The following TAFA4 variants were observed in gnomAD, a reference collection of about 807,000 sequenced individuals.
The protein encoded by TAFA4 is chemokine-like protein TAFA-4.
Under a neutral mutation model 21.1 loss-of-function variants are expected in TAFA4, and 20 were observed. The ratio of observed to expected loss-of-function variants is 0.95; its 90% CI spans 0.67 to 1.38. The LOEUF (loss-of-function observed/expected upper bound fraction) is 1.38. TAFA4 is among the 40% of genes most tolerant of loss of function. The pLI, the probability that TAFA4 is intolerant of heterozygous loss-of-function variation, is 0.00. For synonymous variants in TAFA4, 71 were observed against 67.4 expected, an observed-to-expected ratio of 1.05 and a Z score of -0.26; for missense variants, 211 against 180.9, an observed-to-expected ratio of 1.17 and a Z score of -0.95.
chr3:68,887,500 C>T (rs563853052), intron 1 of TAFA4, among the ~76,000 whole-genome samples: 1 of 152,284 alleles, frequency 6.6e-6, no homozygotes, highest in South Asian at 2.1e-4. Context: ...AGTACATGCT[C>T]TCTGTGGTGG....
chr3:68,872,302 C>A lies in TAFA4; in HGVS notation c.130+8428G>T, dbSNP rs139446531. On this transcript the variant is annotated intron_variant, in intron 3 of 5. Coordinates refer to ENST00000295569, the MANE Select transcript of TAFA4 (RefSeq NM_182522.5). Reference sequence around the variant, plus strand: ...ATTATGTTAACTGAAATAAGCCAGGCACAGAATAAATACTGCATGCTCTCA... The same window carrying A: ...ATTATGTTAACTGAAATAAGCCAGGAACAGAATAAATACTGCATGCTCTCA... 1.0e-3 allele frequency among the ~76,000 whole-genome samples: 157 copies of A among 152,126 alleles called. 1 individual carries two copies. The highest frequency in any genetic ancestry group is 3.5e-3 in the African/African-American group (144 of 41,506).
rs1050766071 is a variant in TAFA4 at position 68,838,425 on chromosome 3, G to A, written c.130+42305C>T. 3.3e-5 allele frequency among the ~76,000 whole-genome samples: 5 copies of A among 152,274 alleles called. No homozygotes were observed. In the East Asian group the frequency reaches 5.8e-4, roughly 18 times the overall value. On this transcript the variant is annotated intron_variant, in intron 3 of 5. Transcript: ENST00000295569. ...TGTTTTTGAAGCATCATTCTAGACA[G>A]AGCAAGGATCTAAGAAATGAAAAAT...
At chr3:68,870,708 G>A (rs1204490468) in intron 3 of TAFA4, among the ~76,000 whole-genome samples, 1 of 151,990 alleles carries the variant, frequency 6.6e-6, no homozygotes, top group Non-Finnish European at 1.5e-5. Flanking sequence ...GCATGCATTG[G>A]GTATTTGTCC....
intron 4 of TAFA4, among the ~76,000 whole-genome samples, chr3:68,745,429 C>T (rs949054580): frequency 2.0e-5 from 3 of 152,068 alleles, no homozygotes; most frequent in South Asian, 2.1e-4. Context: ...AAATAAAATT[C>T]GTTTAAAAGC....
intron 3 of TAFA4, among the ~76,000 whole-genome samples, chr3:68,757,998 A>G (rs1702689128): frequency 1.3e-5 from 2 of 152,048 alleles, no homozygotes; most frequent in African/African-American, 4.8e-5. Flanking sequence ...TTTTACTCCG[A>G]TTTTATCTTT....
intron 3 of TAFA4, among the ~76,000 whole-genome samples, chr3:68,854,404 G>A (rs1575642401): frequency 1.3e-5 from 2 of 152,038 alleles, no homozygotes; most frequent in South Asian, 4.1e-4. Context: ...GCCACTAGAG[G>A]ATTGCAAGCA....
In TAFA4 at chr3:68,885,270, T is replaced by C. The variant is rs2089659171; in HGVS notation, c.-82A>G. On this transcript the variant is annotated 5_prime_UTR_variant, in exon 2 of 6. Transcript: ENST00000295569. ...AATTCCCATCTGTTGCTAGAACCAA[T>C]CATTTCTGCCGTTCCAAAAAATTAT... 8 of 1,412,102 alleles carry C rather than the reference T, an allele frequency of 5.7e-6. No individual in the cohort carries two copies. In the East Asian group the frequency reaches 1.9e-4, roughly 33 times the overall value. 87.5% of individuals were successfully genotyped at this position (1,412,102 alleles called of 1,614,324 possible). A position where few individuals can be genotyped will look rare whatever the true frequency, so the allele number is the denominator to read the frequency against.
At chr3:68,912,770 C>T (rs2089972441) in intron 1 of TAFA4, among the ~76,000 whole-genome samples, 1 of 152,146 alleles carries the variant, frequency 6.6e-6, no homozygotes, top group Non-Finnish European at 1.5e-5. Flanking sequence ...AATTGCAAAG[C>T]CCCAAGAATA....
chr3:68,930,284 AT>A (rs1448781342), intron 1 of TAFA4, among the ~76,000 whole-genome samples: 1 of 152,214 alleles, frequency 6.6e-6, no homozygotes, highest in African/African-American at 2.4e-5. Context: ...AAAATATCCA[AT>A]AATCAAGCAG....
rs181296236 is a variant in TAFA4 at position 68,883,296 on chromosome 3, C to G, written c.14+1879G>C. Among the ~76,000 whole-genome samples the G allele has an allele frequency of 1.4e-4, 21 of 152,350 alleles. No individual in the cohort carries two copies. In the East Asian group the frequency reaches 2.1e-3, roughly 15 times the overall value. ...ATTGACCAGGAACTGCTCTCAAGCC[C>G]TTCATGTCTTTGCCACATGGCCCCT... is the stretch of plus-strand genomic sequence containing the variant. On this transcript the variant is annotated intron_variant, in intron 2 of 5. Transcript: ENST00000295569.
chr3:68,916,966 C>T (rs1444132371), intron 1 of TAFA4, among the ~76,000 whole-genome samples: 1 of 152,206 alleles, frequency 6.6e-6, no homozygotes, highest in Non-Finnish European at 1.5e-5. Context: ...AGTCCTGATT[C>T]TGTACAGCTT....
At chr3:68,833,406 G>T (rs374619414) in intron 3 of TAFA4, among the ~76,000 whole-genome samples, 7 of 152,270 alleles carry the variant, frequency 4.6e-5, no homozygotes, top group African/African-American at 1.7e-4. Flanking sequence ...TGTACGTACA[G>T]CCAGAGTCTA....
At chr3:68,883,780 T>C (rs1201285250) in intron 2 of TAFA4, among the ~76,000 whole-genome samples, 1 of 151,972 alleles carries the variant, frequency 6.6e-6, no homozygotes, top group African/African-American at 2.4e-5. Flanking sequence ...CTATTGAAAA[T>C]GATCTGGCCA....
At chr3:68,805,249 A>G (rs1249288229) in intron 3 of TAFA4, among the ~76,000 whole-genome samples, 1 of 152,202 alleles carries the variant, frequency 6.6e-6, no homozygotes, top group African/African-American at 2.4e-5. Flanking sequence ...CAAAACCACA[A>G]TGAGATACCA....
chr3:68,915,569 G>T (rs950811348), intron 1 of TAFA4, among the ~76,000 whole-genome samples: 5 of 152,174 alleles, frequency 3.3e-5, no homozygotes, highest in African/African-American at 1.2e-4. Context: ...TCAAAATGGT[G>T]ATGGAAGATG....
intron 3 of TAFA4, among the ~76,000 whole-genome samples, chr3:68,754,317 T>G (rs4855505): frequency 6.6e-6 from 1 of 152,058 alleles, no homozygotes; most frequent in African/African-American, 2.4e-5. Context: ...GGTGCATGCA[T>G]TGCATTCTGT....
At chr3:68,841,036 T>C (rs1012853995) in intron 3 of TAFA4, among the ~76,000 whole-genome samples, 12 of 152,298 alleles carry the variant, frequency 7.9e-5, no homozygotes, top group Non-Finnish European at 1.5e-4. Context: ...CAAGGCTAAA[T>C]AGAAGGTGAT....
chr3:68,834,932 T>G (rs1204384904), intron 3 of TAFA4, among the ~76,000 whole-genome samples: 2 of 152,138 alleles, frequency 1.3e-5, no homozygotes, highest in Non-Finnish European at 2.9e-5. Flanking sequence ...AAAGTGTAGG[T>G]CAGATTCTGT....
At chr3:68,766,487 A>T (rs1702857309) in intron 3 of TAFA4, among the ~76,000 whole-genome samples, 1 of 152,174 alleles carries the variant, frequency 6.6e-6, no homozygotes, top group Non-Finnish European at 1.5e-5. Context: ...ATGATAAAAA[A>T]ATCAATCAGA....
Sources: allele counts gnomAD v4.1 joint callset (sites outside exome capture counted in the v4.1 genomes callset), GRCh38; gene constraint gnomAD v4.1.1; transcripts MANE v1.5; gene names NCBI Gene and HGNC (gene_info 2026-07-23, HGNC 2026-07-21).